Variants in ANKFY1 observed in about 807,000 individuals in gnomAD.
ANKFY1 encodes the protein ankyrin repeat and FYVE domain containing 1.
A neutral mutation model predicts 128.3 loss-of-function variants in ANKFY1; 47 were observed. The ratio of observed to expected loss-of-function variants is 0.37; its 90% confidence interval spans 0.29 to 0.47. The LOEUF (loss-of-function observed/expected upper bound fraction) is 0.47, where lower values mean the gene tolerates loss of function less well. Among genes scored for constraint, ANKFY1 ranks in the 20% least tolerant of loss-of-function variants. The pLI, the probability that ANKFY1 is intolerant of heterozygous loss-of-function variation, is 1.00. For synonymous variants in ANKFY1, 553 were observed against 601.6 expected (o/e 0.92, Z 1.18); for missense variants, 1,222 against 1,510.6 (o/e 0.81, Z 3.17).
chr17:4,183,593 C>A (rs746789692), intron 13 of ANKFY1, 42 bp from the exon 14 acceptor site: 2 of 1,601,722 alleles, frequency 1.2e-6, no homozygotes, highest in East Asian at 4.5e-5. Context: ...CGGCTTTTCC[C>A]GCTTCCTCAA....
intron 21 of ANKFY1, 98 bp from the exon 22 acceptor site, chr17:4,172,778 T>C: frequency 1.4e-6 from 2 of 1,466,422 alleles, no homozygotes; most frequent in Non-Finnish European, 1.8e-6. Flanking sequence ...TGGATAAATC[T>C]AAAAGACACA....
At chr17:4,252,172 A>G (rs1467613493) in intron 1 of ANKFY1, among the ~76,000 whole-genome samples, 2 of 152,214 alleles carry the variant, frequency 1.3e-5, no homozygotes, top group Admixed American at 1.3e-4. Context: ...AAGCACATGA[A>G]AAGATGTGCA....
chr17:4,260,618 CAAAAAAAAAAAA>C lies in ANKFY1; in HGVS notation c.10+3302_10+3313del, dbSNP rs60030304. ...GGGTGACGGAGTGAGATCCTGTCTC[CAAAAAAAAAAAA>C]AAAAAAAAAAAACCCACAAATGAAG... On this transcript the variant is annotated intron_variant, in intron 1 of 24. Transcript: ENST00000341657. 3.1e-4 allele frequency among the ~76,000 whole-genome samples: 20 copies of C among 65,076 alleles called. No homozygotes were observed. In the South Asian group the frequency reaches 9.2e-3, roughly 30 times the overall value. The allele number at this position is 65,076 out of a possible 152,430, so 42.7% of individuals were successfully genotyped here.
chr17:4,254,176 C>T (rs1297342284), intron 1 of ANKFY1, among the ~76,000 whole-genome samples: 3 of 151,718 alleles, frequency 2.0e-5, no homozygotes, highest in Non-Finnish European at 4.4e-5. Context: ...TGGTGGCAGG[C>T]GCCTGTAGTC....
chr17:4,258,523 CAA>C (rs547310575), intron 1 of ANKFY1, among the ~76,000 whole-genome samples: 27 of 90,098 alleles, frequency 3.0e-4, no homozygotes, highest in Admixed American at 5.0e-4. Flanking sequence ...GACTCCAACT[CAA>C]AAAAAAAAAA....
At position 4,166,988 on chromosome 17, in the gene ANKFY1, A is replaced by G. The variant is rs768883906; in HGVS notation, c.*791T>C. On this transcript the variant is annotated 3_prime_UTR_variant, in exon 25 of 25. Transcript: ENST00000341657. The stretch of plus-strand genomic sequence containing the variant: ...GACAATGCAGCTCTATAAAAAGTGC[A>G]GCACAGTAAAAGTGCATTTCCTCCA... 15 of 152,668 alleles carry G rather than the reference A, an allele frequency of 9.8e-5. No individual in the cohort carries two copies. The highest frequency in any genetic ancestry group is 1.4e-4 in the African/African-American group (6 of 41,458). 9.5% of individuals were successfully genotyped at this position (152,668 alleles called of 1,614,324 possible). A position where few individuals can be genotyped will look rare whatever the true frequency, so the allele number is the denominator to read the frequency against.
chr17:4,238,309 A>AT (rs970386062), intron 2 of ANKFY1, among the ~76,000 whole-genome samples: 1 of 152,042 alleles, frequency 6.6e-6, no homozygotes, highest in Non-Finnish European at 1.5e-5. Context: ...GGATAAAGGT[A>AT]TTTTTTCCCC....
Position 4,186,669 on chromosome 17 carries a change from C to T in ANKFY1, c.1471-1623G>A, listed in dbSNP as rs143790324. ...GGGAACTGTAATTGCAGTGTGAGCC[C>T]GCCCAAGTATGTCCTCTTCCTCCTC... On this transcript the variant is annotated intron_variant, in intron 11 of 24. Transcript: ENST00000341657. 478 of 316,268 alleles carry T rather than the reference C, an allele frequency of 1.5e-3. 3 individuals are homozygous for T. Among genetic ancestry groups the T allele is most frequent in the African/African-American group, 9.8e-3 (437 of 44,390 alleles). 19.6% of individuals were successfully genotyped at this position (316,268 alleles called of 1,614,324 possible).
At chr17:4,201,285 G>A (rs1316536206) in intron 7 of ANKFY1, among the ~76,000 whole-genome samples, 2 of 152,216 alleles carry the variant, frequency 1.3e-5, no homozygotes, top group African/African-American at 4.8e-5. Context: ...TCCCACCTTG[G>A]CCACCCAAAG....
chr17:4,233,480 CAT>C (rs1457773535), intron 3 of ANKFY1, among the ~76,000 whole-genome samples: 2 of 152,120 alleles, frequency 1.3e-5, no homozygotes, highest in Admixed American at 1.3e-4. Context: ...GGCATCTGCA[CAT>C]GTGTAGGTGT....
chr17:4,170,928 G>A (rs2059307123), intron 22 of ANKFY1, 67 bp from the exon 23 acceptor site: 7 of 1,607,016 alleles, frequency 4.4e-6, no homozygotes, highest in Non-Finnish European at 6.0e-6. Flanking sequence ...CAGACGGAGG[G>A]CGGAGGACAG....
rs766838085 is a variant in ANKFY1 at position 4,209,923 on chromosome 17, T to G, written c.483A>C (p.Leu161=). The G allele has an allele frequency of 5.6e-6, 9 of 1,613,730 alleles. 1 individual carries two copies. In the South Asian group the frequency reaches 9.9e-5, roughly 18 times the overall value. ...RERCEKGVMS[L]VNVRNCIRFY... is the part of the protein sequence containing the mutation. ...AGCGAATACAGTTCCTGACATTCAC[T>G]AGAGACATAACACCCTTCTCACATC... Residue 161 remains leucine, a synonymous_variant, in exon 5 of 25, where the codon CTA becomes CTC. Transcript: ENST00000341657.
Position 4,195,502 on chromosome 17 carries a change from C to T in ANKFY1, c.1104-31G>A, listed in dbSNP as rs370730622. 40 of 1,584,242 alleles carry T rather than the reference C, an allele frequency of 2.5e-5. No homozygotes were observed. The African/African-American group carries it at 5.4e-4, about 21-fold the overall frequency. The stretch of plus-strand genomic sequence containing the variant: ...GGATCCAAAAGAAGAGGGGTCAGTT[C>T]AGGACAGGCCTGTTCAGGATGACTC... On this transcript the variant is annotated intron_variant, in intron 8 of 24. Coordinates refer to ENST00000341657, the MANE Select transcript of ANKFY1 (RefSeq NM_001330063.2).
At chr17:4,259,667 G>C (rs1044965231) in intron 1 of ANKFY1, among the ~76,000 whole-genome samples, 9 of 152,224 alleles carry the variant, frequency 5.9e-5, no homozygotes, top group Admixed American at 4.6e-4. Flanking sequence ...AGGTTATGCA[G>C]AGTATAATAA....
chr17:4,175,346 GAAAAA>G (rs981352010), intron 19 of ANKFY1, among the ~76,000 whole-genome samples: 1 of 130,798 alleles, frequency 7.6e-6, no homozygotes, highest in African/African-American at 2.8e-5. Flanking sequence ...AAAGGAAAAA[GAAAAA>G]AAAAAGAAAG....
chr17:4,177,395 A>AGTT, intron 18 of ANKFY1, 93 bp from the exon 19 acceptor site: 4 of 1,147,826 alleles, frequency 3.5e-6, no homozygotes, highest in Non-Finnish European at 3.6e-6. Context: ...TGGAGAGGTC[A>AGTT]CGATGGAGAC....
At position 4,179,925 on chromosome 17, in the gene ANKFY1, G is replaced by A. The variant is rs17764053; in HGVS notation, c.2241-48C>T. ...AAAAAACGCCACGCTTGGACCTGGC[G>A]TATAGGCATGCTGATTACAAATGTA... On this transcript the variant is annotated intron_variant, in intron 16 of 24. Coordinates refer to ENST00000341657, the MANE Select transcript of ANKFY1 (RefSeq NM_001330063.2). The A allele has an allele frequency of 0.076, 122,889 of 1,606,422 alleles. 5,561 individuals carry two copies. The highest frequency in any genetic ancestry group is 0.15 in the South Asian group (13,672 of 90,850).
At chr17:4,239,794 C>A (rs1967108391) in intron 2 of ANKFY1, among the ~76,000 whole-genome samples, 2 of 152,262 alleles carry the variant, frequency 1.3e-5, no homozygotes, top group South Asian at 4.1e-4. Context: ...CTGCCTCGGC[C>A]TCCCAAAGTG....
chr17:4,212,770 CTT>C lies in ANKFY1; in HGVS notation c.459-2825_459-2824del, dbSNP rs35264086. Among the ~76,000 whole-genome samples, 688 of 130,820 alleles carry C rather than the reference CTT, an allele frequency of 5.3e-3. 4 individuals carry two copies. Among genetic ancestry groups the C allele is most frequent in the African/African-American group, 0.019 (660 of 35,564 alleles). The allele number at this position is 130,820 out of a possible 152,430, so 85.8% of individuals were successfully genotyped here. ...AGACCTGGGCAGAATGCAGAACACA[CTT>C]TTTTTTTTTTTTTTTTTGAGACGGA... On this transcript the variant is annotated intron_variant, in intron 4 of 24. Coordinates refer to ENST00000341657, the MANE Select transcript of ANKFY1 (RefSeq NM_001330063.2).
Sources: allele counts gnomAD v4.1 joint callset (sites outside exome capture counted in the v4.1 genomes callset), GRCh38; gene constraint gnomAD v4.1.1; transcripts MANE v1.5; gene names NCBI Gene and HGNC (gene_info 2026-07-23, HGNC 2026-07-21).